KIF26B: variants seen among roughly 807,000 people sequenced by gnomAD.
KIF26B encodes the protein kinesin-like protein KIF26B.
A neutral mutation model predicts 151.2 loss-of-function variants in KIF26B; 63 were observed. The ratio of observed to expected loss-of-function variants is 0.42; its 90% CI spans 0.34 to 0.51. The LOEUF (loss-of-function observed/expected upper bound fraction) is 0.51, where lower values mean the gene tolerates loss of function less well. KIF26B is among the 20% of genes least tolerant of loss of function. The probability of loss-of-function intolerance (pLI) is 0.07; values close to 1 mark genes in which losing one functional copy is unlikely to be tolerated. For synonymous variants in KIF26B, 1,357 were observed against 1,262.1 expected (o/e 1.08, Z -1.59); for missense variants, 2,813 against 2,913.6 (o/e 0.97, Z 0.79).
At chr1:245,433,865 G>T (rs993699716) in intron 4 of KIF26B, among the ~76,000 whole-genome samples, 5 of 152,036 alleles carry the variant, frequency 3.3e-5, no homozygotes, top group African/African-American at 1.2e-4. Flanking sequence ...AGAGTCCATG[G>T]TTTGTCCTTT....
chr1:245,496,718 T>C (rs914108410), intron 4 of KIF26B, among the ~76,000 whole-genome samples: 1 of 152,116 alleles, frequency 6.6e-6, no homozygotes, highest in Non-Finnish European at 1.5e-5. Context: ...TACATGAAAA[T>C]TGACTAAATA....
chr1:245,490,350 T>A (rs982620954), intron 4 of KIF26B, among the ~76,000 whole-genome samples: 4 of 133,930 alleles, frequency 3.0e-5, no homozygotes, highest in Non-Finnish European at 6.1e-5. Context: ...TCTTGCTCTG[T>A]CACCAGGCTG....
intron 10 of KIF26B, among the ~76,000 whole-genome samples, chr1:245,658,594 G>GT (rs1228779453): frequency 2.0e-5 from 3 of 152,112 alleles, no homozygotes; most frequent in African/African-American, 7.2e-5. Context: ...GTTTTACCAT[G>GT]TTGCCCAGGC....
intron 12 of KIF26B, among the ~76,000 whole-genome samples, chr1:245,696,757 T>C (rs1449887385): frequency 6.6e-6 from 1 of 152,232 alleles, no homozygotes; most frequent in African/African-American, 2.4e-5. Flanking sequence ...GCCTGCACTT[T>C]GTTGGAAACT....
chr1:245,332,960 A>G (rs1672144076), intron 2 of KIF26B, among the ~76,000 whole-genome samples: 1 of 152,128 alleles, frequency 6.6e-6, no homozygotes, highest in Admixed American at 6.5e-5. Context: ...AAAAGGGCAA[A>G]ATGTAGGGAA....
intron 2 of KIF26B, among the ~76,000 whole-genome samples, chr1:245,354,358 A>C (rs888320022): frequency 6.6e-6 from 1 of 152,168 alleles, no homozygotes; most frequent in Non-Finnish European, 1.5e-5. Context: ...TCCCCTCTGA[A>C]ACCCAGGCCA....
At position 245,563,016 on chromosome 1, in the gene KIF26B, A is replaced by G. The variant is rs1374899603; in HGVS notation, c.1350+22066A>G. 6.6e-6 allele frequency among the ~76,000 whole-genome samples: 1 copy of G among 152,166 alleles called. No individual in the cohort carries two copies. Among genetic ancestry groups the G allele is most frequent in the African/African-American group, 2.4e-5 (1 of 41,442 alleles). On this transcript the variant is annotated intron_variant, in intron 5 of 14. Transcript: ENST00000407071. The surrounding 1 kb of genome is among the most constrained non-coding windows in gnomAD (Gnocchi z 4.6). Reference sequence around the variant, plus strand: ...GTGTAAGCCACCACACTTGTCCATCATTGCCTTTTAATCTTTGCATCCTGC... The same window carrying G: ...GTGTAAGCCACCACACTTGTCCATCGTTGCCTTTTAATCTTTGCATCCTGC...
At chr1:245,204,380 T>G (rs1006796205) in intron 2 of KIF26B, among the ~76,000 whole-genome samples, 1 of 36,298 alleles carries the variant, frequency 2.8e-5, no homozygotes, top group Non-Finnish European at 1.1e-4. Context: ...AGATCTCTCT[T>G]TTTTTTTTTT....
chr1:245,219,823 C>T (rs1422921439), intron 2 of KIF26B, among the ~76,000 whole-genome samples: 1 of 152,220 alleles, frequency 6.6e-6, no homozygotes, highest in Non-Finnish European at 1.5e-5. Context: ...CCTCTCCTGC[C>T]AGCTCCCTGC....
At chr1:245,633,598 TC>T (rs1290166046) in intron 9 of KIF26B, among the ~76,000 whole-genome samples, 1 of 152,166 alleles carries the variant, frequency 6.6e-6, no homozygotes, top group African/African-American at 2.4e-5. Flanking sequence ...GATGTAGAAC[TC>T]CCTCAAGCAT....
chr1:245,558,290 G>A (rs546759617), intron 5 of KIF26B, among the ~76,000 whole-genome samples: 1 of 152,186 alleles, frequency 6.6e-6, no homozygotes, highest in Non-Finnish European at 1.5e-5. Flanking sequence ...GGCTGCAGGG[G>A]GCTGGCTCCC....
At chr1:245,472,724 A>T (rs762967453) in intron 4 of KIF26B, among the ~76,000 whole-genome samples, 1 of 152,020 alleles carries the variant, frequency 6.6e-6, no homozygotes, top group Non-Finnish European at 1.5e-5. Context: ...CCCTCGGATA[A>T]CTCCAGTGAA....
At chr1:245,259,701 G>A (rs1052030745) in intron 2 of KIF26B, among the ~76,000 whole-genome samples, 1 of 152,144 alleles carries the variant, frequency 6.6e-6, no homozygotes. Flanking sequence ...GGAGGTCAAG[G>A]TGGGCAGATC....
At chr1:245,505,697 T>G in intron 4 of KIF26B, among the ~76,000 whole-genome samples, 1 of 152,236 alleles carries the variant, frequency 6.6e-6, no homozygotes, top group East Asian at 1.9e-4. Flanking sequence ...TAAAGCATTA[T>G]ATACAATTGT....
At chr1:245,620,865 C>T (rs2043651471) in intron 9 of KIF26B, among the ~76,000 whole-genome samples, 1 of 152,160 alleles carries the variant, frequency 6.6e-6, no homozygotes, top group South Asian at 2.1e-4. Flanking sequence ...ACACAGCTGA[C>T]CTATTAAGAA....
chr1:245,636,664 T>A (rs2043837347), intron 9 of KIF26B, among the ~76,000 whole-genome samples: 1 of 151,992 alleles, frequency 6.6e-6, no homozygotes, highest in Admixed American at 6.6e-5. Context: ...GCCCTTCCCT[T>A]CCCAGCCTCT....
At chr1:245,466,247 C>G (rs1659788968) in intron 4 of KIF26B, among the ~76,000 whole-genome samples, 1 of 152,164 alleles carries the variant, frequency 6.6e-6, no homozygotes, top group African/African-American at 2.4e-5. Context: ...GGTTTGTGCT[C>G]TCCTTTAAGT....
At chr1:245,403,154 G>A (rs1366622072) in intron 3 of KIF26B, among the ~76,000 whole-genome samples, 3 of 151,748 alleles carry the variant, frequency 2.0e-5, no homozygotes, top group African/African-American at 7.3e-5. Flanking sequence ...AAAATTTTTT[G>A]TAGAGATGGG....
chr1:245,396,366 A>G (rs1673841694), intron 3 of KIF26B, among the ~76,000 whole-genome samples: 1 of 152,166 alleles, frequency 6.6e-6, no homozygotes. Flanking sequence ...ATATGTATGC[A>G]TTGGGACAAC....
Sources: gnomAD v4.1 joint callset for allele counts (sites outside exome capture counted in the v4.1 genomes callset) on GRCh38, gnomAD v4.1.1 for gene constraint, Gnocchi (gnomAD v3.1) non-coding constraint, MANE v1.5 for transcripts, NCBI Gene and HGNC (gene_info 2026-07-23, HGNC 2026-07-21) for gene names.